Variants in TNS1 observed in about 807,000 individuals in gnomAD.
TNS1 encodes tensin 1, also known as tensin-1.
Under a neutral mutation model 168.6 loss-of-function variants are expected in TNS1, and 62 were observed. The observed-to-expected ratio is 0.37, with a 90% CI of 0.30 to 0.45. The LOEUF is 0.45. Ranked by LOEUF, TNS1 falls within the 20% of genes least tolerant of loss-of-function variation. The pLI is 1.00. For synonymous variants in TNS1, 934 were observed against 933.2 expected (o/e 1.00, Z -0.02); for missense variants, 2,240 against 2,339.4 (o/e 0.96, Z 0.88).
intron 3 of TNS1, among the ~76,000 whole-genome samples, chr2:217,967,269 C>T (rs1033358660): frequency 6.6e-6 from 1 of 151,916 alleles, no homozygotes; most frequent in African/African-American, 2.4e-5. Flanking sequence ...TGCAGTGAGC[C>T]GAGATCAAGC....
chr2:217,917,864 G>T (rs1014882250), intron 4 of TNS1, among the ~76,000 whole-genome samples: 2 of 149,630 alleles, frequency 1.3e-5, no homozygotes, highest in African/African-American at 2.5e-5. Context: ...GCGACTGGGG[G>T]AAAAGCCTTG....
chr2:217,855,400 T>TCC (rs943311805), intron 18 of TNS1, among the ~76,000 whole-genome samples: 44 of 152,290 alleles, frequency 2.9e-4, no homozygotes, highest in African/African-American at 9.9e-4. Flanking sequence ...TCTAACTTCT[T>TCC]CCCTACTGTC....
At chr2:217,928,081 A>T (rs1454251806) in intron 3 of TNS1, among the ~76,000 whole-genome samples, 1 of 152,200 alleles carries the variant, frequency 6.6e-6, no homozygotes, top group Admixed American at 6.5e-5. Flanking sequence ...GGCCCAGGGG[A>T]GAGGGCCAGT....
chr2:218,011,724 G>A (rs1030270628), upstream of TNS1, among the ~76,000 whole-genome samples: 6 of 151,998 alleles, frequency 3.9e-5, no homozygotes, highest in Admixed American at 3.3e-4. Context: ...GGCCCTGCCC[G>A]TCCCCATTGC....
chr2:217,830,150 G>A (rs759876522), intron 22 of TNS1: 1 of 443,126 alleles, frequency 2.3e-6, no homozygotes, highest in African/African-American at 2.1e-5. Context: ...TTGAGTCCCC[G>A]GCTCTCAGGA....
chr2:217,928,533 C>T lies in TNS1; in HGVS notation c.187-8297G>A, dbSNP rs3791912. Among the ~76,000 whole-genome samples, 262 of 152,340 alleles carry T rather than the reference C, an allele frequency of 1.7e-3. 1 individual carries two copies. The East Asian group carries it at 0.027, about 16-fold the overall frequency. On this transcript the variant is annotated intron_variant, in intron 3 of 32. Transcript: ENST00000682258. Reference sequence around the variant, plus strand: ...CCCAGCAACACCAAGCCAGGGCACACACACCCAAGCCCTGAGTGTCCCTCC... The same window carrying T: ...CCCAGCAACACCAAGCCAGGGCACATACACCCAAGCCCTGAGTGTCCCTCC...
chr2:217,928,621 C>A (rs980004577), intron 3 of TNS1, among the ~76,000 whole-genome samples: 2 of 152,188 alleles, frequency 1.3e-5, no homozygotes, highest in African/African-American at 4.8e-5. Flanking sequence ...GGCTGGGACC[C>A]AGAACCTGAA....
intron 30 of TNS1, among the ~76,000 whole-genome samples, chr2:217,809,028 G>A (rs956060314): frequency 2.0e-5 from 3 of 152,186 alleles, no homozygotes; most frequent in Non-Finnish European, 4.4e-5. Flanking sequence ...CTTTTTATCA[G>A]TTGTATTTAC....
chr2:217,915,287 A>G (rs879704181), intron 4 of TNS1, among the ~76,000 whole-genome samples: 10 of 152,192 alleles, frequency 6.6e-5, no homozygotes, highest in Non-Finnish European at 1.5e-4. Context: ...AGGCAGCACA[A>G]TGCCTCAGAT....
rs936663410 is a variant in TNS1, at chr2:217,809,902, C to T, written c.5194G>A (p.Ala1732Thr). ...ISKATSETLA[A>T]DPTPAATIVH... is the part of the protein sequence containing the mutation. ...ATGGTGGCAGCTGGCGTGGGGTCTG[C>T]AGCCAACGTCTCAGATGTGGCTTTA... The change falls in exon 30 of 33, where the codon GCA becomes ACA. Residue 1732 changes from alanine to threonine, a missense_variant. Ala to Thr is a moderately conservative substitution (Grantham distance 58). Coordinates refer to ENST00000682258, the MANE Select transcript of TNS1 (RefSeq NM_001387777.1). The T allele has an allele frequency of 6.2e-7, 1 of 1,613,560 alleles. No individual in the cohort carries two copies.
At chr2:217,820,180 G>T (rs577631518) in intron 23 of TNS1, among the ~76,000 whole-genome samples, 3 of 152,128 alleles carry the variant, frequency 2.0e-5, no homozygotes, top group Non-Finnish European at 4.4e-5. Flanking sequence ...GTTCTGGAAG[G>T]CTAATCCCAG....
chr2:217,826,562 C>T (rs1361751908), intron 22 of TNS1, among the ~76,000 whole-genome samples: 2 of 152,170 alleles, frequency 1.3e-5, no homozygotes, highest in Non-Finnish European at 2.9e-5. Context: ...TTCTTTCCTG[C>T]CAATTCCAGG....
chr2:217,831,408 C>T (rs1338554437), intron 22 of TNS1, 47 bp downstream of exon 22: 4 of 1,487,816 alleles, frequency 2.7e-6, no homozygotes, highest in African/African-American at 1.4e-5. Context: ...CCACAGGAGT[C>T]CTCCTCCCCC....
chr2:217,946,275 C>T (rs896430249), intron 3 of TNS1, among the ~76,000 whole-genome samples: 12 of 152,216 alleles, frequency 7.9e-5, no homozygotes, highest in Admixed American at 5.9e-4. Context: ...GGGGCTTCCG[C>T]GGCTCACTAA....
chr2:217,893,086 T>C (rs1951900878), intron 10 of TNS1, 74 bp from the exon 11 acceptor site: 1 of 1,577,216 alleles, frequency 6.3e-7, no homozygotes, highest in Admixed American at 1.7e-5. Context: ...TCTAGAAGCC[T>C]TGGTGGAAAA....
In TNS1 at chr2:217,948,646, G is replaced by A. The variant is rs1404261881; in HGVS notation, c.187-28410C>T. On this transcript the variant is annotated intron_variant, in intron 3 of 32. Coordinates refer to ENST00000682258, the MANE Select transcript of TNS1 (RefSeq NM_001387777.1). This position sits in a 1 kb window ranked among gnomAD's most constrained non-coding sequence, Gnocchi z 4.1. Reference sequence around the variant, plus strand: ...CCTCCTCACTAGGGCTCACTCCAGAGATGACCCCAGAAGCCACATTCACGC... The same window carrying A: ...CCTCCTCACTAGGGCTCACTCCAGAAATGACCCCAGAAGCCACATTCACGC... 6.6e-6 allele frequency among the ~76,000 whole-genome samples: 1 copy of A among 152,172 alleles called. No individual in the cohort carries two copies. Among genetic ancestry groups the A allele is most frequent in the African/African-American group, 2.4e-5 (1 of 41,440 alleles).
chr2:217,966,433 C>G (rs1421653557), intron 3 of TNS1, among the ~76,000 whole-genome samples: 1 of 152,306 alleles, frequency 6.6e-6, no homozygotes, highest in African/African-American at 2.4e-5. Context: ...CAAAACCTAC[C>G]TCATCCTTGA....
chr2:217,941,486 T>C (rs1559378948), intron 3 of TNS1, among the ~76,000 whole-genome samples: 1 of 152,294 alleles, frequency 6.6e-6, no homozygotes, highest in Admixed American at 6.5e-5. Context: ...AGGGGCACAG[T>C]GCCAGGGCAG....
intron 3 of TNS1, among the ~76,000 whole-genome samples, chr2:217,925,989 T>C (rs929792403): frequency 1.3e-5 from 2 of 152,228 alleles, no homozygotes; most frequent in Non-Finnish European, 1.5e-5. Context: ...AGCCTCAGAA[T>C]GTGACTGTAT....
Sources: allele counts gnomAD v4.1 joint callset (sites outside exome capture counted in the v4.1 genomes callset), GRCh38; gene constraint gnomAD v4.1.1; non-coding constraint Gnocchi (gnomAD v3.1); transcripts MANE v1.5; gene names NCBI Gene and HGNC (gene_info 2026-07-23, HGNC 2026-07-21).